ZWILCH: variants seen among roughly 807,000 people sequenced by gnomAD.
ZWILCH encodes the protein zwilch kinetochore protein.
A neutral mutation model predicts 79.9 loss-of-function variants in ZWILCH; 74 were observed. That is an observed-to-expected ratio of 0.93 (90% CI 0.77 to 1.12). ZWILCH has a LOEUF of 1.12. Ranked by LOEUF, ZWILCH falls within the 50% of genes most tolerant of loss-of-function variation. The probability of loss-of-function intolerance (pLI) is 0.00; values close to 1 mark genes in which losing one functional copy is unlikely to be tolerated. For missense variants in ZWILCH, 694 were observed against 687.5 expected (o/e 1.01, Z -0.11); for synonymous variants, 241 against 228.2 (o/e 1.06, Z -0.51).
chr15:66,511,618 TTC>T (rs576740344), intron 2 of ZWILCH, among the ~76,000 whole-genome samples: 5 of 152,122 alleles, frequency 3.3e-5, no homozygotes, highest in African/African-American at 1.2e-4. Context: ...AATGCTTTTT[TTC>T]TTTCTTTTTT....
Position 66,540,153 on chromosome 15 carries a change from A to T in ZWILCH, c.1630A>T (p.Thr544Ser), listed in dbSNP as rs1262239983. The change falls in exon 17 of 19, where the codon ACA (threonine) becomes TCA (serine). Residue 544 changes from threonine to serine, a missense_variant. Transcript: ENST00000307897. Reference protein sequence around the residue: ...EIYSGQKKIKTVWQLSDSSPI... With the variant: ...EIYSGQKKIKSVWQLSDSSPI... The stretch of plus-strand genomic sequence containing the variant: ...ATATAGTGGTCAAAAGAAGATTAAG[A>T]CAGTTTGGCAACTGAGTGACAGCTC... 2 of 1,613,736 alleles carry T rather than the reference A, an allele frequency of 1.2e-6. No individual in the cohort carries two copies. The highest frequency in any genetic ancestry group is 2.2e-5 in the South Asian group (2 of 91,048).
rs1595906194 is a variant in ZWILCH, at chr15:66,515,541, G to A, written c.217G>A (p.Glu73Lys). The A allele has an allele frequency of 6.2e-7, 1 of 1,606,558 alleles. No individual in the cohort carries two copies. The highest frequency in any genetic ancestry group is 8.5e-7 in the Non-Finnish European group (1 of 1,176,828). The change falls in exon 4 of 19, where the codon GAA becomes AAA. Residue 73 changes from glutamate (E) to lysine (K), a missense_variant. By Grantham distance (56) the Glu-to-Lys change is moderately conservative. Transcript: ENST00000307897. ...ATTTTTAAAGCCTTTAGAAAAGGAA[G>A]AAACAAGTCATATTGAAGAACTTCA... ...IVEKVPLEKEETSHIEELQSE... is the reference protein window; with the variant it reads ...IVEKVPLEKEKTSHIEELQSE...
At chr15:66,515,155 G>T (rs755341699) in intron 3 of ZWILCH, among the ~76,000 whole-genome samples, 11 of 150,782 alleles carry the variant, frequency 7.3e-5, no homozygotes, top group Non-Finnish European at 1.5e-4. Context: ...TCCCTGTGTT[G>T]CCTTGGTTTG....
intron 7 of ZWILCH, among the ~76,000 whole-genome samples, chr15:66,521,667 C>G (rs939368207): frequency 6.6e-6 from 1 of 151,910 alleles, no homozygotes; most frequent in African/African-American, 2.4e-5. Context: ...AATTTTTTAA[C>G]TTTTTTTGTA....
At chr15:66,507,938 CAAAAAAA>C (rs34334763) in intron 1 of ZWILCH, among the ~76,000 whole-genome samples, 66 of 97,674 alleles carry the variant, frequency 6.8e-4, no homozygotes, top group Admixed American at 4.5e-4. Context: ...GACTGCATCT[CAAAAAAA>C]AAAAAAAAAA....
rs559580289 is a variant in ZWILCH, at chr15:66,530,682, A to G, written c.1155+1109A>G. ...ACTGTGTTATATTTCTACTTTATGA[A>G]TTTTCCACAGTGAACTTGTGCCACT... On this transcript the variant is annotated intron_variant, in intron 12 of 18. Coordinates refer to ENST00000307897, the MANE Select transcript of ZWILCH (RefSeq NM_017975.5). Among the ~76,000 whole-genome samples the G allele has an allele frequency of 2.6e-5, 4 of 152,164 alleles. No individual in the cohort carries two copies. In the East Asian group the frequency reaches 7.7e-4, roughly 29 times the overall value.
chr15:66,515,731 G>A, intron 4 of ZWILCH, 87 bp downstream of exon 4: 1 of 872,108 alleles, frequency 1.1e-6, no homozygotes, highest in Non-Finnish European at 1.9e-6. Flanking sequence ...TAGGCCTCTA[G>A]CCCTTATATC....
intron 10 of ZWILCH, among the ~76,000 whole-genome samples, chr15:66,528,470 T>C (rs1017742670): frequency 1.3e-5 from 2 of 152,168 alleles, no homozygotes; most frequent in Non-Finnish European, 1.5e-5. Flanking sequence ...TGCAGAGAAG[T>C]AGAAATGAAT....
chr15:66,521,645 G>A (rs1167757677), intron 7 of ZWILCH, among the ~76,000 whole-genome samples: 6 of 151,954 alleles, frequency 3.9e-5, no homozygotes, highest in East Asian at 1.9e-4. Flanking sequence ...ACAGGCAAAC[G>A]CCACCACACC....
chr15:66,517,040 C>G (rs1019405057), intron 4 of ZWILCH, among the ~76,000 whole-genome samples: 7 of 151,584 alleles, frequency 4.6e-5, no homozygotes, highest in Non-Finnish European at 1.0e-4. Context: ...AATTTTTTTC[C>G]TGGACATCTG....
At chr15:66,529,102 G>A (rs764735646) in intron 11 of ZWILCH, 145 bp downstream of exon 11, 7 of 637,834 alleles carry the variant, frequency 1.1e-5, no homozygotes, top group Non-Finnish European at 1.9e-5. Context: ...TGACACATTG[G>A]TGCATTCTGC....
At chr15:66,537,376 A>G in intron 16 of ZWILCH, 113 bp downstream of exon 16, 2 of 665,898 alleles carry the variant, frequency 3.0e-6, no homozygotes, top group South Asian at 1.7e-5. Flanking sequence ...TGGGCAACAT[A>G]ATGAGACCCT....
chr15:66,516,908 T>C (rs116417408), intron 4 of ZWILCH, among the ~76,000 whole-genome samples: 1,970 of 152,328 alleles, frequency 0.013, 34 homozygotes, highest in African/African-American at 0.045. Context: ...AATATTTGTA[T>C]TATTTTCTCC....
intron 17 of ZWILCH, among the ~76,000 whole-genome samples, chr15:66,544,724 TTGTGTG>T (rs1555426547): frequency 3.8e-4 from 49 of 128,542 alleles, no homozygotes; most frequent in African/African-American, 1.1e-3. Context: ...TTTTTGGTTT[TTGTGTG>T]TGTGTGTGTG....
At chr15:66,536,188 A>G in intron 15 of ZWILCH, 119 bp downstream of exon 15, 1 of 865,046 alleles carries the variant, frequency 1.2e-6, no homozygotes, top group Non-Finnish European at 1.7e-6. Context: ...CTGTCTTTAC[A>G]GTAGCATGCA....
intron 1 of ZWILCH, 94 bp downstream of exon 1, chr15:66,505,485 G>C: frequency 2.0e-6 from 3 of 1,485,898 alleles, no homozygotes; most frequent in Non-Finnish European, 2.8e-6. Flanking sequence ...GCCACTCTGG[G>C]GATCAGCGCT....
chr15:66,537,187 A>T lies in ZWILCH; in HGVS notation c.1498A>T (p.Lys500Ter). ...SLTQICIKYYKQNPLDEQHIF... is the reference protein window; with the variant it reads ...SLTQICIKYY Reference sequence around the variant, plus strand: ...TTTCAGGATCTGCATAAAGTATTACAAACAAAATCCTCTTGATGAGCAACA... The same window carrying T: ...TTTCAGGATCTGCATAAAGTATTACTAACAAAATCCTCTTGATGAGCAACA... Residue 500 changes from lysine to a stop codon, truncating the protein, a stop_gained, in exon 16 of 19, where the codon AAA (lysine) becomes TAA (stop). Coordinates refer to ENST00000307897, the MANE Select transcript of ZWILCH (RefSeq NM_017975.5). LOFTEE classifies it high-confidence loss of function. 1 of 1,613,548 alleles carries T rather than the reference A, an allele frequency of 6.2e-7. No individual in the cohort carries two copies. The highest frequency in any genetic ancestry group is 8.5e-7 in the Non-Finnish European group (1 of 1,179,868).
Position 66,520,663 on chromosome 15 carries a change from A to G in ZWILCH, c.591+3A>G, listed in dbSNP as rs1337739984. Reference sequence around the variant, plus strand: ...AGAAAAGACATCACTTGTCTACTGTAAGTGTTTTGCTTCTACTCATATTAT... The same window carrying G: ...AGAAAAGACATCACTTGTCTACTGTGAGTGTTTTGCTTCTACTCATATTAT... On this transcript the variant is annotated splice_donor_region_variant and intron_variant, in intron 6 of 18. Coordinates refer to ENST00000307897, the MANE Select transcript of ZWILCH (RefSeq NM_017975.5). 2 of 1,547,422 alleles carry G rather than the reference A, an allele frequency of 1.3e-6. No homozygotes were observed. The highest frequency in any genetic ancestry group is 1.4e-5 in the African/African-American group (1 of 72,934).
intron 18 of ZWILCH, chr15:66,547,510 T>C (rs1430973226): frequency 1.3e-5 from 2 of 152,180 alleles, no homozygotes; most frequent in Non-Finnish European, 2.9e-5. Context: ...GGAAATTAAT[T>C]AATTTTAGCA....
Sources: gnomAD v4.1 joint callset for allele counts (sites outside exome capture counted in the v4.1 genomes callset) on GRCh38, gnomAD v4.1.1 for gene constraint, MANE v1.5 for transcripts, NCBI Gene and HGNC (gene_info 2026-07-23, HGNC 2026-07-21) for gene names.